Variants in CNTN4 observed in about 807,000 individuals in gnomAD.
The protein encoded by CNTN4 is contactin-4.
CNTN4 carries 77 observed loss-of-function variants against 122.5 expected under a neutral mutation model. The ratio of observed to expected loss-of-function variants is 0.63; its 90% CI spans 0.52 to 0.76. CNTN4 has a LOEUF of 0.76. CNTN4 is among the 30% of genes least tolerant of loss of function. The pLI, the probability that CNTN4 is intolerant of heterozygous loss-of-function variation, is 0.00. For missense variants in CNTN4, 1,256 were observed against 1,259.1 expected, an observed-to-expected ratio of 1.00 and a Z score of 0.04; for synonymous variants, 512 against 447.0, an observed-to-expected ratio of 1.15 and a Z score of -1.83.
At chr3:2,239,431 C>G (rs528151692) in intron 2 of CNTN4, among the ~76,000 whole-genome samples, 6 of 152,244 alleles carry the variant, frequency 3.9e-5, no homozygotes, top group African/African-American at 1.4e-4. Flanking sequence ...CAAAAATGAC[C>G]AAATTACAAC....
intron 13 of CNTN4, among the ~76,000 whole-genome samples, chr3:2,943,233 G>C (rs2094634455): frequency 6.6e-6 from 1 of 152,104 alleles, no homozygotes; most frequent in Non-Finnish European, 1.5e-5. Context: ...AAGAAGGCTG[G>C]GTAAAAGCTA....
intron 4 of CNTN4, among the ~76,000 whole-genome samples, chr3:2,625,942 A>G (rs945280850): frequency 6.6e-6 from 1 of 152,090 alleles, no homozygotes; most frequent in East Asian, 1.9e-4. Flanking sequence ...CTGTTCTTTC[A>G]CATTCTGGAC....
chr3:2,380,303 A>C (rs934037271), intron 3 of CNTN4, among the ~76,000 whole-genome samples: 7 of 151,710 alleles, frequency 4.6e-5, no homozygotes, highest in African/African-American at 1.4e-4. Context: ...TAGGGTTTGC[A>C]TCTCTGTTGT....
chr3:2,183,800 A>C (rs2037127904), intron 2 of CNTN4, among the ~76,000 whole-genome samples: 1 of 152,174 alleles, frequency 6.6e-6, no homozygotes, highest in Non-Finnish European at 1.5e-5. Context: ...AACCACCCCA[A>C]GCTACTAAGA....
At chr3:3,036,914 C>T (rs536578797) in intron 17 of CNTN4, among the ~76,000 whole-genome samples, 1 of 152,218 alleles carries the variant, frequency 6.6e-6, no homozygotes, top group East Asian at 1.9e-4. Flanking sequence ...ATGATTGAGT[C>T]AGGTAGTTTG....
At chr3:2,608,204 G>A (rs1368892929) in intron 4 of CNTN4, among the ~76,000 whole-genome samples, 1 of 152,200 alleles carries the variant, frequency 6.6e-6, no homozygotes, top group Non-Finnish European at 1.5e-5. Context: ...AGATAAACAT[G>A]TGTGCTCCAA....
chr3:2,584,979 A>G (rs1373870924), intron 4 of CNTN4, among the ~76,000 whole-genome samples: 1 of 152,046 alleles, frequency 6.6e-6, no homozygotes, highest in Non-Finnish European at 1.5e-5. Flanking sequence ...TTTTTTCTGT[A>G]TTTTTACCAA....
At chr3:2,212,331 G>A (rs2038657354) in intron 2 of CNTN4, among the ~76,000 whole-genome samples, 1 of 152,202 alleles carries the variant, frequency 6.6e-6, no homozygotes, top group African/African-American at 2.4e-5. Flanking sequence ...GTATTAGTCT[G>A]TTCTCTTGTT....
chr3:2,258,943 T>C (rs1008017745), intron 2 of CNTN4, among the ~76,000 whole-genome samples: 5 of 152,172 alleles, frequency 3.3e-5, no homozygotes, highest in African/African-American at 1.2e-4. Flanking sequence ...TACTCTTACA[T>C]TATTCTTTTT....
At chr3:2,970,355 C>T (rs527961065) in intron 13 of CNTN4, among the ~76,000 whole-genome samples, 89 of 152,252 alleles carry the variant, frequency 5.8e-4, no homozygotes, top group African/African-American at 2.1e-3. Context: ...CCTCAGCTTC[C>T]CAAAGCACTA....
At chr3:2,674,066 G>A (rs764650427) in intron 4 of CNTN4, among the ~76,000 whole-genome samples, 2 of 152,150 alleles carry the variant, frequency 1.3e-5, no homozygotes, top group South Asian at 2.1e-4. Flanking sequence ...ATGTAGCCAC[G>A]TAAGTGAGCC....
At chr3:2,759,982 G>A (rs1157665113) in intron 6 of CNTN4, among the ~76,000 whole-genome samples, 1 of 152,144 alleles carries the variant, frequency 6.6e-6, no homozygotes, top group Non-Finnish European at 1.5e-5. Flanking sequence ...CATCTTTGGA[G>A]ACACTTCTAT....
In CNTN4 at chr3:2,627,586, T is replaced by C. The variant is rs373542793; in HGVS notation, c.55+56028T>C. 1.8e-3 allele frequency among the ~76,000 whole-genome samples: 275 copies of C among 148,776 alleles called. 3 individuals carry two copies. Among genetic ancestry groups the C allele is most frequent in the South Asian group, 8.7e-3 (40 of 4,582 alleles). ...TCGGCTCACTGCAAGCTCCGCCTCC[T>C]GGGTTCAGGCCATTCTCCTGCTTCA... On this transcript the variant is annotated intron_variant, in intron 4 of 24. Transcript: ENST00000418658.
chr3:2,851,425 G>C (rs4365614), intron 7 of CNTN4, among the ~76,000 whole-genome samples: 114,201 of 152,104 alleles, frequency 0.75, 42,917 homozygotes, highest in East Asian at 0.88. Flanking sequence ...GTCTTACTCT[G>C]ATGGCAGTTA....
chr3:2,761,103 T>C (rs1355908688), intron 6 of CNTN4, among the ~76,000 whole-genome samples: 3 of 152,152 alleles, frequency 2.0e-5, no homozygotes, highest in Admixed American at 2.0e-4. Flanking sequence ...TTTGCATAAC[T>C]AAAAGGCCCA....
chr3:2,508,823 T>C (rs893231224), intron 3 of CNTN4, among the ~76,000 whole-genome samples: 1 of 152,210 alleles, frequency 6.6e-6, no homozygotes, highest in Non-Finnish European at 1.5e-5. Flanking sequence ...GTTATATTTA[T>C]TTGGACTTTA....
At chr3:2,840,322 G>A (rs186895874) in intron 7 of CNTN4, among the ~76,000 whole-genome samples, 96 of 152,194 alleles carry the variant, frequency 6.3e-4, no homozygotes, top group African/African-American at 2.1e-3. Context: ...TCATATGGGA[G>A]TATAAACTCA....
intron 2 of CNTN4, among the ~76,000 whole-genome samples, chr3:2,104,994 T>C (rs1428788119): frequency 6.6e-6 from 1 of 152,172 alleles, no homozygotes; most frequent in Non-Finnish European, 1.5e-5. Flanking sequence ...GGGAACCAGG[T>C]CTTGTCGGGA....
At chr3:2,843,822 T>A (rs1006850733) in intron 7 of CNTN4, among the ~76,000 whole-genome samples, 9 of 152,322 alleles carry the variant, frequency 5.9e-5, no homozygotes, top group African/African-American at 2.2e-4. Context: ...TATAAATTAC[T>A]CAGTCTCAGG....
Sources: gnomAD v4.1 joint callset for allele counts (sites outside exome capture counted in the v4.1 genomes callset) on GRCh38, gnomAD v4.1.1 for gene constraint, MANE v1.5 for transcripts, NCBI Gene and HGNC (gene_info 2026-07-23, HGNC 2026-07-21) for gene names.